MAST4: variants seen among roughly 807,000 people sequenced by gnomAD.
MAST4 encodes the protein microtubule-associated serine/threonine-protein kinase 4.
MAST4 carries 89 observed loss-of-function variants against 162.7 expected under a neutral mutation model. The observed-to-expected ratio is 0.55, with a 90% CI of 0.46 to 0.65. The LOEUF (loss-of-function observed/expected upper bound fraction) is 0.65, where lower values mean the gene tolerates loss of function less well. Ranked by LOEUF, MAST4 falls within the 30% of genes least tolerant of loss-of-function variation. The pLI, the probability that MAST4 is intolerant of heterozygous loss-of-function variation, is 0.00. For missense variants in MAST4, 3,153 were observed against 3,374.0 expected, an observed-to-expected ratio of 0.93 and a Z score of 1.62; for synonymous variants, 1,479 against 1,361.1, an observed-to-expected ratio of 1.09 and a Z score of -1.91.
chr5:67,149,631 T>C lies in MAST4; in HGVS notation c.3295+42T>C, dbSNP rs766531534. 3.2e-5 allele frequency: 51 copies of C among 1,580,604 alleles called. No homozygotes were observed. The East Asian group carries it at 1.1e-3, about 34-fold the overall frequency. On this transcript the variant is annotated intron_variant, in intron 24 of 28. Transcript: ENST00000403625. ...TGCATGAAATTGTGTGATTTGTGCA[T>C]GTGGTCCCATCCCTCCTCTCCCAAT...
intron 1 of MAST4, among the ~76,000 whole-genome samples, chr5:66,620,168 G>T (rs910652324): frequency 4.0e-5 from 6 of 151,328 alleles, no homozygotes; most frequent in Non-Finnish European, 5.9e-5. Flanking sequence ...ATCCCATGAT[G>T]CTGAAGATGA....
intron 4 of MAST4, among the ~76,000 whole-genome samples, chr5:66,982,210 T>C (rs1170194560): frequency 6.6e-6 from 1 of 152,216 alleles, no homozygotes; most frequent in Non-Finnish European, 1.5e-5. Flanking sequence ...ATGTTCTTTT[T>C]TCCTTTTACA....
intron 1 of MAST4, among the ~76,000 whole-genome samples, chr5:66,740,696 A>G (rs1048734914): frequency 6.6e-6 from 1 of 152,192 alleles, no homozygotes; most frequent in African/African-American, 2.4e-5. Flanking sequence ...TGGAAAAGGA[A>G]GCAGGCCCAG....
intron 4 of MAST4, among the ~76,000 whole-genome samples, chr5:66,908,563 A>T (rs1226195361): frequency 6.6e-6 from 1 of 152,176 alleles, no homozygotes; most frequent in Non-Finnish European, 1.5e-5. Context: ...GTGCTTTTGG[A>T]TAGCTAAAAG....
chr5:66,844,989 G>A (rs1464016015), intron 3 of MAST4, among the ~76,000 whole-genome samples: 1 of 150,346 alleles, frequency 6.7e-6, no homozygotes, highest in Non-Finnish European at 1.5e-5. Context: ...GCTAAATGAA[G>A]CCATGGGAGT....
intron 24 of MAST4, among the ~76,000 whole-genome samples, chr5:67,150,755 C>T (rs1023757961): frequency 1.3e-5 from 2 of 152,184 alleles, no homozygotes; most frequent in Admixed American, 6.5e-5. Flanking sequence ...CAGTGACCTC[C>T]TCCCACCTGC....
At chr5:67,009,896 G>A (rs1752473429) in intron 4 of MAST4, among the ~76,000 whole-genome samples, 1 of 152,138 alleles carries the variant, frequency 6.6e-6, no homozygotes, top group Admixed American at 6.5e-5. Context: ...TTGTGCCTTT[G>A]AGAGATATGA....
chr5:66,716,629 G>A (rs1408195992), intron 1 of MAST4, among the ~76,000 whole-genome samples: 3 of 151,830 alleles, frequency 2.0e-5, no homozygotes, highest in Admixed American at 2.0e-4. Context: ...CCAAAGTGCT[G>A]GGATTATAGG....
intron 9 of MAST4, among the ~76,000 whole-genome samples, chr5:67,103,803 A>G (rs770001928): frequency 6.6e-6 from 1 of 152,204 alleles, no homozygotes; most frequent in Non-Finnish European, 1.5e-5. Context: ...AAGTACAAAA[A>G]CATAAAGAAA....
At chr5:66,892,678 C>T (rs1762435532) in intron 3 of MAST4, among the ~76,000 whole-genome samples, 1 of 151,566 alleles carries the variant, frequency 6.6e-6, no homozygotes, top group African/African-American at 2.4e-5. Flanking sequence ...GCCCTCCCTG[C>T]TCGTGTATTT....
chr5:66,664,363 C>G (rs190071686), intron 1 of MAST4, among the ~76,000 whole-genome samples: 3 of 141,828 alleles, frequency 2.1e-5, no homozygotes, highest in Non-Finnish European at 3.0e-5. Context: ...TGAACCCGGG[C>G]GACGGAGGTT....
chr5:66,820,519 A>G (rs917798164), intron 3 of MAST4, among the ~76,000 whole-genome samples: 1 of 152,232 alleles, frequency 6.6e-6, no homozygotes, highest in Non-Finnish European at 1.5e-5. Context: ...TCATTTAGAC[A>G]TGAAGGGACA....
At chr5:66,813,810 G>T (rs26384) in intron 3 of MAST4, among the ~76,000 whole-genome samples, 71,599 of 152,048 alleles carry the variant, frequency 0.47, 17,204 homozygotes, top group East Asian at 0.64. Flanking sequence ...GGAAGTAGTA[G>T]TTAGTTGTGA....
Position 67,118,704 on chromosome 5 carries a change from C to A in MAST4, c.1614C>A (p.Tyr538Ter). ...TAGAAATGGCTCATTTGGGAAACTA[C>A]GATAGTGGGACAGCAGAAACACCAG... Reference protein sequence around the residue: ...PLEEMAHLGNYDSGTAETPET... With the variant: ...PLEEMAHLGN The change falls in exon 13 of 29, where the codon TAC (tyrosine) becomes TAA (stop). Residue 538 changes from tyrosine (Y) to a stop codon, truncating the protein, a stop_gained. Coordinates refer to ENST00000403625, the MANE Select transcript of MAST4 (RefSeq NM_001164664.2). LOFTEE classifies it high-confidence loss of function. 6.4e-7 allele frequency: 1 copy of A among 1,574,380 alleles called. No homozygotes were observed. Among genetic ancestry groups the A allele is most frequent in the Non-Finnish European group, 8.6e-7 (1 of 1,156,694 alleles).
intron 5 of MAST4, among the ~76,000 whole-genome samples, chr5:67,082,013 A>G (rs1408669712): frequency 6.6e-6 from 1 of 152,172 alleles, no homozygotes; most frequent in Admixed American, 6.5e-5. Context: ...ACCTCTGGAT[A>G]TGTTACACTG....
intron 1 of MAST4, among the ~76,000 whole-genome samples, chr5:66,633,365 C>T (rs958330587): frequency 5.3e-5 from 8 of 152,052 alleles, no homozygotes; most frequent in Non-Finnish European, 7.4e-5. Context: ...GACTGGCACC[C>T]GAAAGATAAA....
At chr5:67,005,166 C>T (rs60088557) in intron 4 of MAST4, 8,303 of 715,320 alleles carry the variant, frequency 0.012, 379 homozygotes, top group African/African-American at 0.11. Context: ...CTGAGCCCCT[C>T]AGGAGCTGGG....
At chr5:66,741,727 C>T (rs1366684280) in intron 1 of MAST4, among the ~76,000 whole-genome samples, 1 of 152,056 alleles carries the variant, frequency 6.6e-6, no homozygotes, top group Non-Finnish European at 1.5e-5. Context: ...GAAAAAGAAC[C>T]CCATAGCCCT....
chr5:66,940,392 T>G (rs1304237558), intron 4 of MAST4, among the ~76,000 whole-genome samples: 1 of 152,204 alleles, frequency 6.6e-6, no homozygotes, highest in Non-Finnish European at 1.5e-5. Flanking sequence ...ATCCACAGTA[T>G]AACTTCTTCC....
Sources: allele counts gnomAD v4.1 joint callset (sites outside exome capture counted in the v4.1 genomes callset), GRCh38; gene constraint gnomAD v4.1.1; transcripts MANE v1.5; gene names NCBI Gene and HGNC (gene_info 2026-07-23, HGNC 2026-07-21).